Variants in TLK1 observed in about 807,000 individuals in gnomAD.
TLK1 encodes the protein serine/threonine-protein kinase tousled-like 1.
Under a neutral mutation model 105.3 loss-of-function variants are expected in TLK1, and 24 were observed. The observed-to-expected ratio is 0.23, with a 90% CI of 0.17 to 0.32. The LOEUF (loss-of-function observed/expected upper bound fraction) is 0.32. Ranked by LOEUF, TLK1 falls within the 10% of genes least tolerant of loss-of-function variation. The pLI, the probability that TLK1 is intolerant of heterozygous loss-of-function variation, is 1.00. For missense variants in TLK1, 558 were observed against 910.5 expected (o/e 0.61, Z 4.98); for synonymous variants, 321 against 310.4 (o/e 1.03, Z -0.36).
At chr2:171,045,426 C>CACCATGTTGGCCAGTCTGT (rs200238000) in intron 11 of TLK1, 1 of 135,040 alleles carries the variant, frequency 7.4e-6, no homozygotes, top group Non-Finnish European at 1.6e-5. Context: ...GACGGGGTTT[C>CACCATGTTGGCCAGTCTGT]TCTCTGAGAA....
intron 11 of TLK1, among the ~76,000 whole-genome samples, chr2:171,038,692 AAAG>A (rs1444430234): frequency 6.6e-6 from 1 of 152,196 alleles, no homozygotes; most frequent in Non-Finnish European, 1.5e-5. Context: ...ACTAAGGGAG[AAAG>A]AATACCACTC....
chr2:171,126,199 A>G (rs988639744), intron 1 of TLK1, among the ~76,000 whole-genome samples: 1 of 152,202 alleles, frequency 6.6e-6, no homozygotes, highest in East Asian at 1.9e-4. Context: ...AAAACATCAC[A>G]TAAAACATAT....
chr2:171,008,618 C>T (rs1031764415), intron 14 of TLK1, among the ~76,000 whole-genome samples: 2 of 152,302 alleles, frequency 1.3e-5, no homozygotes, highest in Admixed American at 1.3e-4. Context: ...CAGCAACTGA[C>T]TCAACATCTC....
In TLK1 at chr2:170,997,830, GTT is replaced by G; in HGVS notation, c.1905-9_1905-8del. The G allele has an allele frequency of 1.9e-6, 3 of 1,555,704 alleles. No individual in the cohort carries two copies. In the East Asian group the frequency reaches 6.8e-5, roughly 35 times the overall value. On this transcript the variant is annotated splice_region_variant and splice_polypyrimidine_tract_variant and intron_variant, in intron 18 of 20. Coordinates refer to ENST00000431350, the MANE Select transcript of TLK1 (RefSeq NM_012290.5). ...ACACTCAGGAGGTAAATACCTGTAA[GTT>G]TTGTGGGAGAGAAAAAAGGTTACTA...
intron 2 of TLK1, among the ~76,000 whole-genome samples, chr2:171,112,024 G>A (rs13395669): frequency 0.4 from 60,086 of 151,938 alleles, 13,388 homozygotes; most frequent in African/African-American, 0.59. Flanking sequence ...TGACCCTGGC[G>A]CACTGCAACC....
intron 1 of TLK1, among the ~76,000 whole-genome samples, chr2:171,134,413 G>A (rs1691222057): frequency 6.6e-6 from 1 of 152,128 alleles, no homozygotes; most frequent in Admixed American, 6.5e-5. Flanking sequence ...CACTGCAAGA[G>A]AGAAAAGAAA....
At chr2:171,166,452 C>T (rs1692612001) in intron 1 of TLK1, among the ~76,000 whole-genome samples, 1 of 152,248 alleles carries the variant, frequency 6.6e-6, no homozygotes, top group Non-Finnish European at 1.5e-5. Context: ...CCCACCACCC[C>T]TTCACACTCA....
chr2:171,007,756 C>A (rs1309973929), intron 14 of TLK1, among the ~76,000 whole-genome samples: 1 of 151,978 alleles, frequency 6.6e-6, no homozygotes, highest in South Asian at 2.1e-4. Context: ...TAAAAATAAC[C>A]ACATACCATT....
chr2:171,185,060 C>G (rs1050816235), intron 1 of TLK1, among the ~76,000 whole-genome samples: 4 of 152,144 alleles, frequency 2.6e-5, no homozygotes, highest in Non-Finnish European at 5.9e-5. Flanking sequence ...AGGATGGTCT[C>G]GATCTCCTGA....
intron 8 of TLK1, among the ~76,000 whole-genome samples, chr2:171,052,429 G>A (rs945877723): frequency 2.0e-5 from 3 of 152,074 alleles, no homozygotes; most frequent in Admixed American, 6.6e-5. Context: ...AATGTTCTTA[G>A]AACTGTTTAT....
intron 1 of TLK1, among the ~76,000 whole-genome samples, chr2:171,224,073 A>C (rs989181176): frequency 7.2e-5 from 11 of 151,872 alleles, no homozygotes; most frequent in African/African-American, 2.7e-4. Context: ...GTAGTTTTAT[A>C]CTTTGAGGTC....
At chr2:171,195,430 G>A (rs1363718974) in intron 1 of TLK1, among the ~76,000 whole-genome samples, 1 of 149,794 alleles carries the variant, frequency 6.7e-6, no homozygotes, top group Non-Finnish European at 1.5e-5. Context: ...GTGAACCTGG[G>A]AGGCGGAGCT....
chr2:171,107,857 A>C (rs1689995303), intron 2 of TLK1, among the ~76,000 whole-genome samples: 1 of 152,078 alleles, frequency 6.6e-6, no homozygotes, highest in South Asian at 2.1e-4. Context: ...CCAGGAGTTA[A>C]ATGCCAGCCT....
chr2:171,025,486 C>A (rs1043795064), intron 12 of TLK1, among the ~76,000 whole-genome samples: 4 of 152,134 alleles, frequency 2.6e-5, no homozygotes, highest in Non-Finnish European at 5.9e-5. Flanking sequence ...CATGCTAATG[C>A]AAGAGTATGC....
intron 2 of TLK1, among the ~76,000 whole-genome samples, chr2:171,096,888 G>A (rs904310804): frequency 2.6e-5 from 4 of 152,028 alleles, no homozygotes; most frequent in African/African-American, 9.7e-5. Flanking sequence ...AATTAATATT[G>A]TTTAACTGTC....
At chr2:171,128,228 C>T (rs1296260250) in intron 1 of TLK1, among the ~76,000 whole-genome samples, 1 of 151,984 alleles carries the variant, frequency 6.6e-6, no homozygotes, top group Non-Finnish European at 1.5e-5. Flanking sequence ...ACTGCCATGA[C>T]CTTAAAAAAT....
At chr2:171,231,018 A>G (rs1693986582) in intron 1 of TLK1, 1 of 152,208 alleles carries the variant, frequency 6.6e-6, no homozygotes, top group East Asian at 1.9e-4. Context: ...AAATACAGAA[A>G]ATACACACAA....
In TLK1 at chr2:171,049,132, A is replaced by G. The variant is rs186371682; in HGVS notation, c.980+682T>C. On this transcript the variant is annotated intron_variant, in intron 10 of 20. Transcript: ENST00000431350. Reference sequence around the variant, plus strand: ...ATAGAAACTGGGGGCTACAAAGATGAAGGAGGCAGAGACAGGGGCAAGGAT... The same window carrying G: ...ATAGAAACTGGGGGCTACAAAGATGGAGGAGGCAGAGACAGGGGCAAGGAT... 4.5e-3 allele frequency among the ~76,000 whole-genome samples: 678 copies of G among 152,316 alleles called. 7 individuals are homozygous for G. The highest frequency in any genetic ancestry group is 0.015 in the African/African-American group (617 of 41,562).
intron 1 of TLK1, among the ~76,000 whole-genome samples, chr2:171,146,865 G>C (rs1691811779): frequency 6.6e-6 from 1 of 152,162 alleles, no homozygotes; most frequent in South Asian, 2.1e-4. Context: ...AGAGAACAAT[G>C]CTACTGTGAT....
Sources: allele counts gnomAD v4.1 joint callset (sites outside exome capture counted in the v4.1 genomes callset), GRCh38; gene constraint gnomAD v4.1.1; transcripts MANE v1.5; gene names NCBI Gene and HGNC (gene_info 2026-07-23, HGNC 2026-07-21).